NRG3: variants seen among roughly 807,000 people sequenced by gnomAD.
NRG3 encodes neuregulin 3.
A neutral mutation model predicts 66.9 loss-of-function variants in NRG3; 31 were observed. The ratio of observed to expected loss-of-function variants is 0.46; its 90% CI spans 0.35 to 0.63. NRG3 has a LOEUF of 0.63. Ranked by LOEUF, NRG3 falls within the 20% of genes least tolerant of loss-of-function variation. The pLI is 0.00. For synonymous variants in NRG3, 393 were observed against 359.4 expected, an observed-to-expected ratio of 1.09 and a Z score of -1.06; for missense variants, 910 against 878.9, an observed-to-expected ratio of 1.04 and a Z score of -0.45.
At chr10:81,882,782 A>G (rs1842297883) in intron 1 of NRG3, among the ~76,000 whole-genome samples, 2 of 152,124 alleles carry the variant, frequency 1.3e-5, no homozygotes, top group Admixed American at 6.5e-5. Context: ...TTGTTCTTAT[A>G]TGCCCTTGGG....
intron 2 of NRG3, among the ~76,000 whole-genome samples, chr10:82,372,433 G>C (rs1432921502): frequency 6.6e-6 from 1 of 152,148 alleles, no homozygotes; most frequent in African/African-American, 2.4e-5. Context: ...ATAGAGAAGA[G>C]TGCGATTCTT....
At chr10:82,704,585 T>C (rs2056148379) in intron 2 of NRG3, among the ~76,000 whole-genome samples, 1 of 152,188 alleles carries the variant, frequency 6.6e-6, no homozygotes, top group Non-Finnish European at 1.5e-5. Context: ...GAGAAATTTG[T>C]AATAAATCTT....
At chr10:82,779,245 T>G (rs1287826120) in intron 3 of NRG3, among the ~76,000 whole-genome samples, 1 of 152,074 alleles carries the variant, frequency 6.6e-6, no homozygotes, top group Non-Finnish European at 1.5e-5. Flanking sequence ...ATTATAGGTA[T>G]CCACTGTGGT....
intron 1 of NRG3, among the ~76,000 whole-genome samples, chr10:81,935,701 G>A (rs898474883): frequency 6.6e-6 from 1 of 152,100 alleles, no homozygotes; most frequent in East Asian, 1.9e-4. Context: ...CACTCTCTCT[G>A]AGACTTCTCC....
chr10:82,468,594 G>A (rs967534349), intron 2 of NRG3, among the ~76,000 whole-genome samples: 1 of 152,324 alleles, frequency 6.6e-6, no homozygotes, highest in African/African-American at 2.4e-5. Context: ...GGAGACAGGT[G>A]ACACAAAAAG....
intron 3 of NRG3, among the ~76,000 whole-genome samples, chr10:82,800,339 A>G (rs1002132765): frequency 6.6e-6 from 1 of 152,190 alleles, no homozygotes; most frequent in Non-Finnish European, 1.5e-5. Flanking sequence ...TGGTTTTAAC[A>G]AATGAGCAAG....
intron 2 of NRG3, among the ~76,000 whole-genome samples, chr10:82,445,632 C>T (rs1431467384): frequency 6.6e-6 from 1 of 152,158 alleles, no homozygotes; most frequent in African/African-American, 2.4e-5. Flanking sequence ...ATTTTCCTCT[C>T]CTCTCCACCT....
intron 1 of NRG3, among the ~76,000 whole-genome samples, chr10:81,944,506 A>G (rs1363868758): frequency 6.6e-6 from 1 of 152,204 alleles, no homozygotes; most frequent in South Asian, 2.1e-4. Context: ...TTTAGTATAC[A>G]TGGGGAAAAT....
chr10:82,488,188 A>C (rs748126162), intron 2 of NRG3, among the ~76,000 whole-genome samples: 15 of 152,328 alleles, frequency 9.8e-5, no homozygotes, highest in Non-Finnish European at 7.3e-5. Context: ...TGAAGTCATC[A>C]ACAAGTCATC....
intron 2 of NRG3, among the ~76,000 whole-genome samples, chr10:82,650,872 G>GT (rs1396550269): frequency 6.6e-6 from 1 of 152,196 alleles, no homozygotes; most frequent in African/African-American, 2.4e-5. Flanking sequence ...ATCTGACAGA[G>GT]TTGGTCTGTC....
At chr10:82,025,963 T>A (rs145411231) in intron 1 of NRG3, among the ~76,000 whole-genome samples, 1 of 152,168 alleles carries the variant, frequency 6.6e-6, no homozygotes, top group East Asian at 1.9e-4. Flanking sequence ...CATCCACATG[T>A]CACCTGAGCA....
chr10:82,739,561 C>A (rs1051980126), intron 3 of NRG3, among the ~76,000 whole-genome samples: 1 of 152,162 alleles, frequency 6.6e-6, no homozygotes, highest in Admixed American at 6.5e-5. Context: ...GCATAATGAA[C>A]GTGTCTAGGC....
At chr10:82,605,711 T>C (rs908636099) in intron 2 of NRG3, among the ~76,000 whole-genome samples, 1 of 152,074 alleles carries the variant, frequency 6.6e-6, no homozygotes, top group Non-Finnish European at 1.5e-5. Context: ...AAATGTTTAG[T>C]AAAGTTCACC....
At chr10:82,652,740 G>C (rs1398732794) in intron 2 of NRG3, among the ~76,000 whole-genome samples, 2 of 152,144 alleles carry the variant, frequency 1.3e-5, no homozygotes, top group African/African-American at 4.8e-5. Flanking sequence ...CTTTGACAGG[G>C]ACCCACCCCT....
At chr10:82,164,313 T>C (rs2071860045) in intron 1 of NRG3, among the ~76,000 whole-genome samples, 1 of 152,190 alleles carries the variant, frequency 6.6e-6, no homozygotes, top group Non-Finnish European at 1.5e-5. Context: ...ACTCAGGATA[T>C]TTAGGATATT....
chr10:82,185,349 G>C (rs2073737576), intron 1 of NRG3, among the ~76,000 whole-genome samples: 1 of 152,104 alleles, frequency 6.6e-6, no homozygotes, highest in Non-Finnish European at 1.5e-5. Flanking sequence ...AAGTAGTTTT[G>C]CTATCTCCCT....
At chr10:82,269,075 A>T (rs978333204) in intron 1 of NRG3, among the ~76,000 whole-genome samples, 2 of 151,944 alleles carry the variant, frequency 1.3e-5, no homozygotes, top group Non-Finnish European at 2.9e-5. Flanking sequence ...TTCCTCCTAC[A>T]TTTTTCTGAT....
At chr10:81,880,446 T>C (rs532417602) in intron 1 of NRG3, among the ~76,000 whole-genome samples, 1 of 152,314 alleles carries the variant, frequency 6.6e-6, no homozygotes, top group African/African-American at 2.4e-5. Context: ...TTCTCGCTGT[T>C]ACTGAAGCTT....
intron 1 of NRG3, among the ~76,000 whole-genome samples, chr10:82,050,504 C>G (rs1164680760): frequency 6.6e-6 from 1 of 151,870 alleles, no homozygotes; most frequent in Admixed American, 6.6e-5. Context: ...GGGATTTGTG[C>G]TGTTAGTCTG....
Sources: gnomAD v4.1 joint callset for allele counts (sites outside exome capture counted in the v4.1 genomes callset) on GRCh38, gnomAD v4.1.1 for gene constraint, MANE v1.5 for transcripts, NCBI Gene and HGNC (gene_info 2026-07-23, HGNC 2026-07-21) for gene names.